DNAAF11: variants seen among roughly 807,000 people sequenced by gnomAD.
DNAAF11 encodes leucine rich repeat containing 6.
DNAAF11 carries 45 observed loss-of-function variants against 60.8 expected under a neutral mutation model. That is an observed-to-expected ratio of 0.74 (90% confidence interval 0.58 to 0.95). The LOEUF is 0.95. Among genes scored for constraint, DNAAF11 ranks in the 40% least tolerant of loss-of-function variants. The pLI is 0.00. For missense variants in DNAAF11, 546 were observed against 546.2 expected (o/e 1.00, Z 0.00); for synonymous variants, 191 against 183.5 (o/e 1.04, Z -0.33).
At chr8:132,595,326 C>A (rs2738439) in intron 10 of DNAAF11, among the ~76,000 whole-genome samples, 111,697 of 111,700 alleles carry the variant, frequency 1, 55,847 homozygotes, top group Middle Eastern at 1. Flanking sequence ...TTTGTGTTCC[C>A]GAAAGAGAGA....
intron 1 of DNAAF11, among the ~76,000 whole-genome samples, chr8:132,671,145 T>G (rs990010078): frequency 6.6e-6 from 1 of 152,206 alleles, no homozygotes; most frequent in East Asian, 1.9e-4. Flanking sequence ...TATTTCTATT[T>G]GCAGATGATA....
chr8:132,675,146 C>G (rs1825663155), intron 1 of DNAAF11: 2 of 332,022 alleles, frequency 6.0e-6, no homozygotes, highest in South Asian at 2.7e-4. Context: ...TAAGGAGCCA[C>G]TTGGCCGGAA....
In DNAAF11 at chr8:132,640,572, G is replaced by A. The variant is rs138351293; in HGVS notation, c.257-2465C>T. Among the ~76,000 whole-genome samples, 526 of 152,126 alleles carry A rather than the reference G, an allele frequency of 3.5e-3. 4 individuals are homozygous for A. Among genetic ancestry groups the A allele is most frequent in the African/African-American group, 0.012 (499 of 41,500 alleles). Reference sequence around the variant, plus strand: ...CCATCATTATTTTGGTTTTAGACATGAATTTGATACATCTAAGGGTCAAGT... The same window carrying A: ...CCATCATTATTTTGGTTTTAGACATAAATTTGATACATCTAAGGGTCAAGT... On this transcript the variant is annotated intron_variant, in intron 3 of 11. Transcript: ENST00000620350.
chr8:132,602,006 ATTCTATGTG>A (rs1232084250), intron 10 of DNAAF11, among the ~76,000 whole-genome samples: 2 of 151,808 alleles, frequency 1.3e-5, no homozygotes, highest in African/African-American at 4.8e-5. Flanking sequence ...TTCTCACTCT[ATTCTATGTG>A]TTCTTACTGT....
chr8:132,693,044 T>C, the DNAAF11 span, among the ~76,000 whole-genome samples: 2 of 152,170 alleles, frequency 1.3e-5, no homozygotes, highest in South Asian at 4.1e-4. Context: ...ACCTGGTGAC[T>C]CCAAGTCCAT....
rs1250850053 is a variant in DNAAF11, at chr8:132,610,240, C to T, written c.1066G>A (p.Ala356Thr). Residue 356 changes from alanine (A) to threonine (T), a missense_variant, in exon 10 of 12, where the codon GCA (alanine) becomes ACA (threonine). Coordinates refer to ENST00000620350, the MANE Select transcript of DNAAF11 (RefSeq NM_012472.6). ...GAACTACTATCGGGTTTCACTTCTG[C>T]AGGAAGGACAAGCTGAAATGGCTGA... ...KGKPFQLVLP[A>T]EVKPDSSSAK... 1.2e-6 allele frequency: 2 copies of T among 1,613,528 alleles called. No homozygotes were observed. The highest frequency in any genetic ancestry group is 1.1e-5 in the South Asian group (1 of 91,044).
chr8:132,572,324 T>A lies in DNAAF11; in HGVS notation c.1383A>T (p.Glu461Asp), dbSNP rs1814279569. ...AGATGTTTCAAATCAGCGGAGGCACTTCAGGGTTGTCTTCAAAGGTTGGGT... is the reference window on the plus strand; with the variant it reads ...AGATGTTTCAAATCAGCGGAGGCACATCAGGGTTGTCTTCAAAGGTTGGGT... ...EEDPTFEDNP[E>D]VPPLI is the part of the protein sequence containing the mutation. The change falls in exon 12 of 12, where the codon GAA becomes GAT. Residue 461 changes from glutamate (E) to aspartate (D), a missense_variant. Physicochemically the swap from Glu to Asp is conservative, Grantham distance 45 (BLOSUM62 2). Transcript: ENST00000620350. 6.2e-7 allele frequency: 1 copy of A among 1,613,312 alleles called. No individual in the cohort carries two copies. Among genetic ancestry groups the A allele is most frequent in the South Asian group, 1.1e-5 (1 of 90,924 alleles).
At chr8:132,618,096 G>C (rs1819364363) in intron 7 of DNAAF11, among the ~76,000 whole-genome samples, 1 of 151,786 alleles carries the variant, frequency 6.6e-6, no homozygotes, top group African/African-American at 2.4e-5. Flanking sequence ...TACCAAAACA[G>C]AGATATAGAT....
chr8:132,691,749 C>T, the DNAAF11 span, among the ~76,000 whole-genome samples: 1 of 152,134 alleles, frequency 6.6e-6, no homozygotes, highest in Non-Finnish European at 1.5e-5. Flanking sequence ...GGAAACCACC[C>T]CCATCATCCA....
chr8:132,611,362 A>T lies in DNAAF11; in HGVS notation c.976T>A (p.Tyr326Asn), dbSNP rs200458059. 8.7e-5 allele frequency: 137 copies of T among 1,581,060 alleles called. No individual in the cohort carries two copies. The highest frequency in any genetic ancestry group is 1.2e-4 in the Non-Finnish European group (135 of 1,152,702). Residue 326 changes from tyrosine (Y) to asparagine (N), a missense_variant and splice_region_variant, in exon 9 of 12, where the codon TAT becomes AAT. Tyr to Asn is a moderately radical substitution (Grantham distance 143). Transcript: ENST00000620350. ...QIILDLAVYR[Y>N]MDTSLIDVDV... ...ACATCGATTAAAGAGGTATCCATAT[A>T]CCTTCAAAATTAAACACAGAAAATC...
intron 1 of DNAAF11, among the ~76,000 whole-genome samples, chr8:132,668,466 T>C (rs1370082145): frequency 6.6e-6 from 1 of 152,064 alleles, no homozygotes; most frequent in Non-Finnish European, 1.5e-5. Context: ...TTTTTTTTTC[T>C]TTGAGACAGA....
At chr8:132,678,863 G>T (rs1341145593), upstream of DNAAF11, among the ~76,000 whole-genome samples, 1 of 151,976 alleles carries the variant, frequency 6.6e-6, no homozygotes, top group Non-Finnish European at 1.5e-5. Context: ...AGTAACAACA[G>T]ACTAGGACAT....
intron 7 of DNAAF11, among the ~76,000 whole-genome samples, chr8:132,620,439 A>G (rs994552817): frequency 9.2e-5 from 14 of 152,068 alleles, no homozygotes; most frequent in African/African-American, 3.4e-4. Flanking sequence ...GGTTCAAGCG[A>G]TTCTCGTGTC....
At chr8:132,656,532 C>T (rs539160573) in intron 3 of DNAAF11, among the ~76,000 whole-genome samples, 4 of 152,262 alleles carry the variant, frequency 2.6e-5, no homozygotes, top group South Asian at 2.1e-4. Context: ...AGTGCAATGG[C>T]GCAATCTCAG....
chr8:132,609,708 AG>A (rs1564018201), intron 10 of DNAAF11, among the ~76,000 whole-genome samples: 1 of 152,226 alleles, frequency 6.6e-6, no homozygotes, highest in Non-Finnish European at 1.5e-5. Context: ...AACCAGTCTG[AG>A]GACAGAATTG....
chr8:132,596,041 AGACAAGGAT>A lies in DNAAF11; in HGVS notation c.1141-12271_1141-12263del, dbSNP rs556959502. Among the ~76,000 whole-genome samples the A allele has an allele frequency of 1.5e-3, 226 of 152,256 alleles. 1 individual carries two copies. The highest frequency in any genetic ancestry group is 5.2e-3 in the African/African-American group (214 of 41,544). On this transcript the variant is annotated intron_variant, in intron 10 of 11. Transcript: ENST00000620350. ...TATCAGTTGATGGCGCCATTTTCTG[AGACAAGGAT>A]GACTATGGGAGGAGCAGGTCTGCAG...
intron 10 of DNAAF11, among the ~76,000 whole-genome samples, chr8:132,602,825 C>A (rs886332904): frequency 6.6e-6 from 1 of 150,944 alleles, no homozygotes; most frequent in Non-Finnish European, 1.5e-5. Context: ...ATAATTTGAG[C>A]CTGCCTCTTC....
chr8:132,597,634 AG>A lies in DNAAF11; in HGVS notation c.1140+12531del, dbSNP rs545338879. Reference sequence around the variant, plus strand: ...CCTTGGTCTGGGAGGATGCCAGGCAAGGTTTTAGAGAGGATGCCCATGATTT... The same window carrying A: ...CCTTGGTCTGGGAGGATGCCAGGCAAGTTTTAGAGAGGATGCCCATGATTT... On this transcript the variant is annotated intron_variant, in intron 10 of 11. Transcript: ENST00000620350. Among the ~76,000 whole-genome samples the A allele has an allele frequency of 1.6e-4, 24 of 152,354 alleles. No individual in the cohort carries two copies. In the South Asian group the frequency reaches 5.0e-3, roughly 32 times the overall value.
rs765311899 is a variant in DNAAF11 at position 132,664,628 on chromosome 8, AT to A, written c.11-3002del. ...AGGCATGCGCCACCACACCCAGCTA[AT>A]TTTTTTTTTTTTTTTTGTAAAGACA... On this transcript the variant is annotated intron_variant, in intron 1 of 11. Coordinates refer to ENST00000620350, the MANE Select transcript of DNAAF11 (RefSeq NM_012472.6). 3.3e-3 allele frequency among the ~76,000 whole-genome samples: 463 copies of A among 140,274 alleles called. 2 individuals carry two copies. The highest frequency in any genetic ancestry group is 0.011 in the Middle Eastern group (3 of 274). 92.0% of individuals were successfully genotyped at this position (140,274 alleles called of 152,430 possible).
Sources: allele counts gnomAD v4.1 joint callset (sites outside exome capture counted in the v4.1 genomes callset), GRCh38; gene constraint gnomAD v4.1.1; transcripts MANE v1.5; gene names NCBI Gene and HGNC (gene_info 2026-07-23, HGNC 2026-07-21).